TF: variants seen among roughly 807,000 people sequenced by gnomAD.
TF encodes the protein serotransferrin.
TF carries 55 observed loss-of-function variants against 82.4 expected under a neutral mutation model. That is an observed-to-expected ratio of 0.67 (90% CI 0.54 to 0.84). TF has a LOEUF of 0.84. Ranked by LOEUF, TF falls within the 40% of genes least tolerant of loss-of-function variation. The pLI, the probability that TF is intolerant of heterozygous loss-of-function variation, is 0.00. For missense variants in TF, 737 were observed against 868.4 expected, an observed-to-expected ratio of 0.85 and a Z score of 1.90; for synonymous variants, 332 against 332.6, an observed-to-expected ratio of 1.00 and a Z score of 0.02.
At chr3:133,731,136 G>A in the TF span, among the ~76,000 whole-genome samples, 1 of 152,160 alleles carries the variant, frequency 6.6e-6, no homozygotes, top group Non-Finnish European at 1.5e-5. Context: ...CATTAAACAA[G>A]GGAGTTTGCT....
In TF at chr3:133,759,197, A is replaced by G. The variant is rs775295148; in HGVS notation, c.1071A>G (p.Glu357=). ...EGTCPEAPTD[E]CKPVKWCALS... is the part of the protein sequence containing the mutation. ...TAGGCCCAGAAGCCCCAACAGATGA[A>G]TGCAAGCCTGTGAAGTGGTGTGCGC... The change falls in exon 9 of 17, where the codon GAA becomes GAG. Residue 357 remains glutamate (E), a synonymous_variant. Transcript: ENST00000402696. The G allele has an allele frequency of 6.2e-7, 1 of 1,614,174 alleles. No homozygotes were observed. Among genetic ancestry groups the G allele is most frequent in the Non-Finnish European group, 8.5e-7 (1 of 1,180,028 alleles).
chr3:133,692,759 T>C, the TF span: 1 of 152,324 alleles, frequency 6.6e-6, no homozygotes, highest in African/African-American at 2.4e-5. Flanking sequence ...CTTATTCCTC[T>C]CGGCTCCTTT....
At position 133,779,357 on chromosome 3, in the gene TF, T is replaced by C. The variant is rs1934468776; in HGVS notation, c.*737T>C. The C allele has an allele frequency of 6.6e-6, 1 of 152,292 alleles. No homozygotes were observed. The highest frequency in any genetic ancestry group is 1.5e-5 in the Non-Finnish European group (1 of 68,100). The allele number at this position is 152,292 out of a possible 1,614,324, so 9.4% of individuals were successfully genotyped here. On this transcript the variant is annotated 3_prime_UTR_variant, in exon 17 of 17. Transcript: ENST00000402696. The stretch of plus-strand genomic sequence containing the variant: ...GCTGAACATACAGAATTTGGTCTTC[T>C]GCTTCACCAACTTACCTGAATGTAC...
At chr3:133,713,523 C>T in the TF span, among the ~76,000 whole-genome samples, 5 of 152,202 alleles carry the variant, frequency 3.3e-5, no homozygotes, top group Admixed American at 2.0e-4. Context: ...GAACTTTTAG[C>T]ACCTCCACAG....
Position 133,784,851 on chromosome 3 carries a change from T to C in TF, c.*6231T>C, listed in dbSNP as rs150442028. 4 of 152,434 alleles carry C rather than the reference T, an allele frequency of 2.6e-5. No homozygotes were observed. Among genetic ancestry groups the C allele is most frequent in the Non-Finnish European group, 5.9e-5 (4 of 68,088 alleles). 9.4% of individuals were successfully genotyped at this position (152,434 alleles called of 1,614,324 possible). ...CAGTTCTGTGCCACACTGGTCATATTTAGAAGACATTTTCATATTCCAACC... is the reference window on the plus strand; with the variant it reads ...CAGTTCTGTGCCACACTGGTCATATCTAGAAGACATTTTCATATTCCAACC... On this transcript the variant is annotated 3_prime_UTR_variant, in exon 17 of 17. Transcript: ENST00000402696.
chr3:133,704,392 ATAACT>A, the TF span: 2 of 204,360 alleles, frequency 9.8e-6, no homozygotes, highest in African/African-American at 4.6e-5. Flanking sequence ...AGATGAGGAA[ATAACT>A]TAGTTTAGTG....
chr3:133,682,299 TC>T, the TF span, among the ~76,000 whole-genome samples: 1 of 152,084 alleles, frequency 6.6e-6, no homozygotes, highest in Non-Finnish European at 1.5e-5. Context: ...GCACCCTTTC[TC>T]CTCCAAAGGA....
chr3:133,705,787 T>A, the TF span, among the ~76,000 whole-genome samples: 3 of 152,152 alleles, frequency 2.0e-5, no homozygotes, highest in Non-Finnish European at 4.4e-5. Context: ...TGAGTTAGAA[T>A]CAGTAATACT....
the TF span, among the ~76,000 whole-genome samples, chr3:133,733,397 G>C: frequency 6.6e-6 from 1 of 152,164 alleles, no homozygotes; most frequent in Non-Finnish European, 1.5e-5. Flanking sequence ...AGCCTGCCGA[G>C]GTGTCCTGTA....
chr3:133,676,758 G>A, the TF span, among the ~76,000 whole-genome samples: 1 of 152,234 alleles, frequency 6.6e-6, no homozygotes, highest in Non-Finnish European at 1.5e-5. Context: ...CGCTGGGATC[G>A]TTCCTAAATT....
At position 133,748,563 on chromosome 3, in the gene TF, T is replaced by G. The variant is rs544064945; in HGVS notation, c.195T>G (p.Leu65=). 6.2e-7 allele frequency: 1 copy of G among 1,614,056 alleles called. No homozygotes were observed. The highest frequency in any genetic ancestry group is 8.5e-7 in the Non-Finnish European group (1 of 1,180,006). ...SVACVKKASY[L]DCIRAIAANE... is the part of the protein sequence containing the mutation. ...CTTGTGTGAAGAAAGCCTCCTACCT[T>G]GATTGCATCAGGGCCATTGCGGTAA... The change falls in exon 2 of 17, where the codon CTT becomes CTG. Residue 65 remains leucine (L), a synonymous_variant. Coordinates refer to ENST00000402696, the MANE Select transcript of TF (RefSeq NM_001063.4).
chr3:133,685,375 C>A, the TF span, among the ~76,000 whole-genome samples: 1 of 152,086 alleles, frequency 6.6e-6, no homozygotes, highest in Non-Finnish European at 1.5e-5. Flanking sequence ...GAGAAAGAAA[C>A]AAAGGGTATT....
At chr3:133,761,165 G>A (rs922142199) in intron 9 of TF, 15 of 208,190 alleles carry the variant, frequency 7.2e-5, no homozygotes, top group Non-Finnish European at 9.4e-5. Flanking sequence ...CTTCCAAAGG[G>A]AGTCATCATC....
At chr3:133,741,561 G>A (rs1933391792), upstream of TF, among the ~76,000 whole-genome samples, 1 of 152,204 alleles carries the variant, frequency 6.6e-6, no homozygotes, top group Middle Eastern at 3.4e-3. Flanking sequence ...GATTTTTATG[G>A]TACACTAATA....
At chr3:133,718,967 G>C in the TF span, among the ~76,000 whole-genome samples, 1 of 152,192 alleles carries the variant, frequency 6.6e-6, no homozygotes, top group Non-Finnish European at 1.5e-5. Context: ...ATCCTAGCTA[G>C]GTATAGAGGG....
At chr3:133,688,291 T>A in the TF span, 1 of 152,756 alleles carries the variant, frequency 6.5e-6, no homozygotes, top group Admixed American at 6.5e-5. Context: ...ATGAAAAAAG[T>A]GTTTCCAGCA....
chr3:133,759,341 C>T lies in TF; in HGVS notation c.1203+12C>T, dbSNP rs369203808. 9.9e-6 allele frequency: 16 copies of T among 1,613,028 alleles called. No homozygotes were observed. The highest frequency in any genetic ancestry group is 1.6e-4 in the Middle Eastern group (1 of 6,082). On this transcript the variant is annotated intron_variant, in intron 9 of 16. Transcript: ENST00000402696. ...TCGCCAAGATCATGGTATGTCACTC[C>T]AGCCTTCCTAGGGCAGCGTCCCTGT...
chr3:133,682,571 TC>T, the TF span, among the ~76,000 whole-genome samples: 2 of 152,150 alleles, frequency 1.3e-5, no homozygotes, highest in Admixed American at 6.5e-5. Flanking sequence ...TGCACAAGCT[TC>T]AGTAGCCAAT....
the TF span, among the ~76,000 whole-genome samples, chr3:133,728,575 A>G: frequency 6.6e-6 from 1 of 152,282 alleles, no homozygotes; most frequent in Non-Finnish European, 1.5e-5. Context: ...TTCAAAGTTT[A>G]TAACTTCTTT....
Sources: gnomAD v4.1 joint callset for allele counts (sites outside exome capture counted in the v4.1 genomes callset) on GRCh38, gnomAD v4.1.1 for gene constraint, MANE v1.5 for transcripts, NCBI Gene and HGNC (gene_info 2026-07-23, HGNC 2026-07-21) for gene names.